STXBP4: variants seen among roughly 807,000 people sequenced by gnomAD.
The protein encoded by STXBP4 is syntaxin binding protein 4.
Under a neutral mutation model 76.1 loss-of-function variants are expected in STXBP4, and 55 were observed. The ratio of observed to expected loss-of-function variants is 0.72; its 90% CI spans 0.58 to 0.91. The LOEUF is 0.91. Among genes scored for constraint, STXBP4 ranks in the 40% least tolerant of loss-of-function variants. The pLI is 0.00. For synonymous variants in STXBP4, 201 were observed against 220.2 expected, an observed-to-expected ratio of 0.91 and a Z score of 0.77; for missense variants, 618 against 636.9, an observed-to-expected ratio of 0.97 and a Z score of 0.32.
At position 55,159,639 on chromosome 17, in the gene STXBP4, T is replaced by TG. The variant is rs536549593; in HGVS notation, c.1548-157dup. Among the ~76,000 whole-genome samples, 34 of 152,362 alleles carry TG rather than the reference T, an allele frequency of 2.2e-4. 1 individual carries two copies. In the East Asian group the frequency reaches 6.0e-3, roughly 27 times the overall value. ...AAATGGTTTTCATTGAAGCTTAAAA[T>TG]GTGTCTAAGACTTATTAAAGCTATT... is the stretch of plus-strand genomic sequence containing the variant. On this transcript the variant is annotated intron_variant, in intron 17 of 17. Transcript: ENST00000376352.
chr17:54,981,486 A>G (rs926009818), intron 1 of STXBP4, among the ~76,000 whole-genome samples: 1 of 152,154 alleles, frequency 6.6e-6, no homozygotes, highest in African/African-American at 2.4e-5. Flanking sequence ...TGGGGAAAAG[A>G]TTTAATAAAT....
At chr17:54,973,758 A>G (rs138990060) in intron 1 of STXBP4, among the ~76,000 whole-genome samples, 2 of 152,356 alleles carry the variant, frequency 1.3e-5, no homozygotes, top group Non-Finnish European at 2.9e-5. Flanking sequence ...GGGCAGGGCT[A>G]ATCCAACCCT....
the STXBP4 span, among the ~76,000 whole-genome samples, chr17:55,202,327 T>C: frequency 6.6e-6 from 1 of 151,764 alleles, no homozygotes; most frequent in Non-Finnish European, 1.5e-5. Flanking sequence ...CAAGATAAAA[T>C]CAAAGGAAAT....
At chr17:55,026,140 T>C (rs2078409563) in intron 8 of STXBP4, among the ~76,000 whole-genome samples, 1 of 152,184 alleles carries the variant, frequency 6.6e-6, no homozygotes, top group Non-Finnish European at 1.5e-5. Flanking sequence ...AAAGACGTGT[T>C]GTGCTGATGA....
chr17:55,006,025 GTA>G lies in STXBP4; in HGVS notation c.575-1472_575-1471del, dbSNP rs577128450. On this transcript the variant is annotated intron_variant, in intron 7 of 17. Transcript: ENST00000376352. ...TATATGTATATATGTATATGTGTGT[GTA>G]TATATATACACTATGTATATATTAT... Among the ~76,000 whole-genome samples, 277 of 151,820 alleles carry G rather than the reference GTA, an allele frequency of 1.8e-3. 1 individual carries two copies. The highest frequency in any genetic ancestry group is 3.1e-3 in the Non-Finnish European group (208 of 67,932).
the STXBP4 span, among the ~76,000 whole-genome samples, chr17:55,213,075 A>T: frequency 1.3e-5 from 2 of 152,196 alleles, no homozygotes; most frequent in Non-Finnish European, 2.9e-5. Context: ...TGCCTGAGGC[A>T]TCTACAGGAC....
intron 16 of STXBP4, among the ~76,000 whole-genome samples, chr17:55,102,331 G>T (rs1036936482): frequency 6.6e-6 from 1 of 151,988 alleles, no homozygotes; most frequent in Non-Finnish European, 1.5e-5. Flanking sequence ...CTGTGTCCAT[G>T]TGTTCTCGTT....
At chr17:55,077,574 C>A (rs1369473463) in intron 13 of STXBP4, among the ~76,000 whole-genome samples, 1 of 152,030 alleles carries the variant, frequency 6.6e-6, no homozygotes, top group African/African-American at 2.4e-5. Flanking sequence ...TCAGCATATA[C>A]CCTCCGAACA....
intron 16 of STXBP4, among the ~76,000 whole-genome samples, chr17:55,125,717 A>C (rs1243363275): frequency 6.6e-6 from 1 of 152,154 alleles, no homozygotes; most frequent in Non-Finnish European, 1.5e-5. Context: ...CTGAACTTGC[A>C]TGAGCCTGAG....
Position 55,047,159 on chromosome 17 carries a change from G to A in STXBP4, c.1011+5G>A. The A allele has an allele frequency of 6.4e-7, 1 of 1,567,402 alleles. No individual in the cohort carries two copies. The highest frequency in any genetic ancestry group is 8.8e-7 in the Non-Finnish European group (1 of 1,141,520). The stretch of plus-strand genomic sequence containing the variant: ...GAGCTCCAGAATGTGAAACAAGTAA[G>A]TATATGTATTGTGTATATATGTGCT... On this transcript the variant is annotated splice_donor_5th_base_variant and intron_variant, in intron 12 of 17. Coordinates refer to ENST00000376352, the MANE Select transcript of STXBP4 (RefSeq NM_178509.6).
At chr17:55,083,935 G>T (rs1462313398) in intron 16 of STXBP4, among the ~76,000 whole-genome samples, 2 of 152,138 alleles carry the variant, frequency 1.3e-5, no homozygotes, top group Non-Finnish European at 1.5e-5. Context: ...AAGTGACAAG[G>T]TCTCTTTATA....
chr17:55,156,569 C>T (rs937914249), intron 17 of STXBP4, among the ~76,000 whole-genome samples: 2 of 152,150 alleles, frequency 1.3e-5, no homozygotes, highest in Admixed American at 1.3e-4. Flanking sequence ...ACATGCATTA[C>T]CTGAGTTTCA....
chr17:54,994,100 AG>A (rs2077760828), intron 4 of STXBP4, among the ~76,000 whole-genome samples: 1 of 152,210 alleles, frequency 6.6e-6, no homozygotes, highest in South Asian at 2.1e-4. Context: ...AGCAGAACCA[AG>A]ATTCCCTCAG....
At chr17:55,032,350 A>C (rs1335223750) in intron 9 of STXBP4, among the ~76,000 whole-genome samples, 4 of 152,216 alleles carry the variant, frequency 2.6e-5, no homozygotes, top group Admixed American at 2.0e-4. Flanking sequence ...CAAGAAACAG[A>C]AAAACACATA....
At chr17:55,192,453 C>T in the STXBP4 span, among the ~76,000 whole-genome samples, 1 of 152,242 alleles carries the variant, frequency 6.6e-6, no homozygotes, top group African/African-American at 2.4e-5. Flanking sequence ...GTTGTTCTTC[C>T]TAAATTAACC....
rs2080361778 is a variant in STXBP4, at chr17:55,164,172, G to A, written c.*4261G>A. On this transcript the variant is annotated 3_prime_UTR_variant, in exon 18 of 18. Transcript: ENST00000376352. ...TTCGCTTTAGAAATGAAATACCCAA[G>A]GTGTTTTAACTACAACTGTCTACAT... is the stretch of plus-strand genomic sequence containing the variant. The A allele has an allele frequency of 6.6e-6, 1 of 152,118 alleles. No individual in the cohort carries two copies. Among genetic ancestry groups the A allele is most frequent in the Non-Finnish European group, 1.5e-5 (1 of 68,024 alleles). 9.4% of individuals were successfully genotyped at this position (152,118 alleles called of 1,614,324 possible). A position where few individuals can be genotyped will look rare whatever the true frequency, so the allele number is the denominator to read the frequency against.
At chr17:55,180,519 C>T in the STXBP4 span, among the ~76,000 whole-genome samples, 1 of 150,270 alleles carries the variant, frequency 6.7e-6, no homozygotes, top group South Asian at 2.1e-4. Context: ...TAAGACCTTG[C>T]TTTAACAAAG....
At chr17:54,971,936 C>T (rs1290747737) in intron 1 of STXBP4, among the ~76,000 whole-genome samples, 1 of 152,046 alleles carries the variant, frequency 6.6e-6, no homozygotes, top group Non-Finnish European at 1.5e-5. Context: ...TCTTTCATGA[C>T]TTTGACATTT....
chr17:55,205,050 G>A, the STXBP4 span, among the ~76,000 whole-genome samples: 1 of 151,982 alleles, frequency 6.6e-6, no homozygotes, highest in Non-Finnish European at 1.5e-5. Context: ...GCTTGCCATG[G>A]CCAGAAGTGA....
Sources: gnomAD v4.1 joint callset for allele counts (sites outside exome capture counted in the v4.1 genomes callset) on GRCh38, gnomAD v4.1.1 for gene constraint, MANE v1.5 for transcripts, NCBI Gene and HGNC (gene_info 2026-07-23, HGNC 2026-07-21) for gene names.